UBAC1: variants seen among roughly 807,000 people sequenced by gnomAD.
UBAC1 encodes the protein UBA domain containing 1, also known as ubiquitin-associated domain-containing protein 1.
A neutral mutation model predicts 45.9 loss-of-function variants in UBAC1; 27 were observed. The ratio of observed to expected loss-of-function variants is 0.59; its 90% CI spans 0.43 to 0.81. UBAC1 has a LOEUF of 0.81. UBAC1 is among the 30% of genes least tolerant of loss of function. The pLI is 0.00. For synonymous variants in UBAC1, 227 were observed against 215.5 expected (o/e 1.05, Z -0.47); for missense variants, 529 against 539.2 (o/e 0.98, Z 0.19).
chr9:135,953,597 C>T (rs1313163412), intron 3 of UBAC1, 83 bp downstream of exon 3: 19 of 1,191,132 alleles, frequency 1.6e-5, no homozygotes, highest in Non-Finnish European at 1.9e-5. Flanking sequence ...GGATTACAGG[C>T]GCGAGCCACT....
intron 3 of UBAC1, among the ~76,000 whole-genome samples, chr9:135,952,903 G>C (rs117235396): frequency 6.6e-6 from 1 of 152,218 alleles, no homozygotes; most frequent in Non-Finnish European, 1.5e-5. Flanking sequence ...GAGGCTGTGC[G>C]GTGTGAGGTG....
chr9:135,947,759 G>T (rs1839354695), intron 4 of UBAC1, 39 bp downstream of exon 4: 1 of 1,561,400 alleles, frequency 6.4e-7, no homozygotes, highest in Non-Finnish European at 8.7e-7. Context: ...CCCACACGGG[G>T]ACCCCATGCA....
Position 135,946,363 on chromosome 9 carries a change from T to C in UBAC1, c.450A>G (p.Thr150=), listed in dbSNP as rs1406008647. The change falls in exon 5 of 10, where the codon ACA becomes ACG. Residue 150 remains threonine (T), a synonymous_variant. Coordinates refer to ENST00000371756, the MANE Select transcript of UBAC1 (RefSeq NM_016172.3). ...AVQTNMRDFQ[T]ELRKILVSLI... is the part of the protein sequence containing the mutation. ...GAGACACCAGTATCTTCCGGAGTTC[T>C]GTCTGGAACTGTGGTGAAAAAAAAG... is the stretch of plus-strand genomic sequence containing the variant. The C allele has an allele frequency of 6.2e-7, 1 of 1,609,162 alleles. No individual in the cohort carries two copies. Among genetic ancestry groups the C allele is most frequent in the South Asian group, 1.1e-5 (1 of 91,008 alleles).
At chr9:135,942,330 T>C (rs1255137789) in intron 7 of UBAC1, 3 of 152,002 alleles carry the variant, frequency 2.0e-5, no homozygotes, top group African/African-American at 4.8e-5. Context: ...CTGCTAAACC[T>C]AGAAATGCTA....
chr9:135,943,969 AGG>A (rs1839297422), intron 7 of UBAC1, among the ~76,000 whole-genome samples: 13 of 152,130 alleles, frequency 8.5e-5, no homozygotes, highest in African/African-American at 3.1e-4. Flanking sequence ...GGGGCCCATC[AGG>A]GGGTCTGGGG....
rs1564200535 is a variant in UBAC1 at position 135,959,371 on chromosome 9, G to GT, written c.138+1653_138+1654insA. On this transcript the variant is annotated intron_variant, in intron 1 of 9. Coordinates refer to ENST00000371756, the MANE Select transcript of UBAC1 (RefSeq NM_016172.3). ...GAGAAGTTTCTAGGGTTTTTTGTCT[G>GT]GTTTTTTTTTTTTTTTTTTTTTGAG... 8.7e-5 allele frequency among the ~76,000 whole-genome samples: 9 copies of GT among 103,986 alleles called. 1 individual carries two copies. The highest frequency in any genetic ancestry group is 3.2e-4 in the African/African-American group (8 of 25,082). 68.2% of individuals were successfully genotyped at this position (103,986 alleles called of 152,430 possible). A position where few individuals can be genotyped will look rare whatever the true frequency, so the allele number is the denominator to read the frequency against.
chr9:135,953,553 C>T (rs150385089), intron 3 of UBAC1, 127 bp downstream of exon 3: 441 of 649,998 alleles, frequency 6.8e-4, no homozygotes, highest in African/African-American at 6.7e-3. Flanking sequence ...CTCTTGACCT[C>T]GTGATCCACC....
At chr9:135,949,153 G>A (rs1157103318) in intron 3 of UBAC1, among the ~76,000 whole-genome samples, 3 of 151,942 alleles carry the variant, frequency 2.0e-5, no homozygotes, top group African/African-American at 7.3e-5. Context: ...GACGGCCCAC[G>A]GAGGAACACA....
intron 7 of UBAC1, 137 bp from the exon 8 acceptor site, chr9:135,939,896 G>A (rs911407065): frequency 5.9e-5 from 41 of 690,074 alleles, no homozygotes; most frequent in East Asian, 4.3e-4. Flanking sequence ...GTCCGTCCAC[G>A]TTCTTTCCTC....
chr9:135,936,405 T>C (rs1277640544), intron 9 of UBAC1, among the ~76,000 whole-genome samples: 2 of 152,002 alleles, frequency 1.3e-5, no homozygotes, highest in Non-Finnish European at 2.9e-5. Context: ...AGGTAGATTA[T>C]GGACTTAAAT....
In UBAC1 at chr9:135,961,223, C is replaced by A; in HGVS notation, c.-61G>T. The A allele has an allele frequency of 7.1e-7, 1 of 1,412,074 alleles. No individual in the cohort carries two copies. Among genetic ancestry groups the A allele is most frequent in the Non-Finnish European group, 9.2e-7 (1 of 1,090,348 alleles). The allele number at this position is 1,412,074 out of a possible 1,614,324, so 87.5% of individuals were successfully genotyped here. On this transcript the variant is annotated 5_prime_UTR_variant, in exon 1 of 10. Coordinates refer to ENST00000371756, the MANE Select transcript of UBAC1 (RefSeq NM_016172.3). Reference sequence around the variant, plus strand: ...GGGCCCCTGAAGGTCACCGGGAAGGCGGGCGGGGAGGGGGCGGGGCCAGAC... The same window carrying A: ...GGGCCCCTGAAGGTCACCGGGAAGGAGGGCGGGGAGGGGGCGGGGCCAGAC...
chr9:135,943,785 C>G (rs1426514544), intron 7 of UBAC1, among the ~76,000 whole-genome samples: 1 of 152,216 alleles, frequency 6.6e-6, no homozygotes, highest in Non-Finnish European at 1.5e-5. Context: ...GAATACTATG[C>G]AGCCATAAAA....
intron 3 of UBAC1, among the ~76,000 whole-genome samples, chr9:135,949,924 A>G (rs1839387490): frequency 6.6e-6 from 1 of 152,206 alleles, no homozygotes; most frequent in African/African-American, 2.4e-5. Context: ...GAGATTCAAC[A>G]CTTCAGAAGT....
At chr9:135,935,889 G>T (rs554503652) in intron 9 of UBAC1, among the ~76,000 whole-genome samples, 1 of 151,974 alleles carries the variant, frequency 6.6e-6, no homozygotes, top group Non-Finnish European at 1.5e-5. Context: ...AGCCGGGCAC[G>T]GTGGCGGGCA....
chr9:135,956,340 A>G (rs1839465421), intron 1 of UBAC1, among the ~76,000 whole-genome samples: 1 of 152,210 alleles, frequency 6.6e-6, no homozygotes. Flanking sequence ...TCCTCTCTGC[A>G]AAACAGCACA....
chr9:135,935,023 G>C (rs571130478), intron 9 of UBAC1, among the ~76,000 whole-genome samples: 6 of 152,236 alleles, frequency 3.9e-5, no homozygotes, highest in African/African-American at 1.4e-4. Flanking sequence ...GGGACTACAG[G>C]TACGTGTGCC....
chr9:135,942,512 GC>G (rs1839281443), intron 7 of UBAC1, among the ~76,000 whole-genome samples: 1 of 152,050 alleles, frequency 6.6e-6, no homozygotes, highest in Non-Finnish European at 1.5e-5. Flanking sequence ...TAAAAAATTA[GC>G]CCTGTGTGGT....
In UBAC1 at chr9:135,945,891, G is replaced by T. The variant is rs749360546; in HGVS notation, c.651C>A (p.Asn217Lys). 1 of 1,613,908 alleles carries T rather than the reference G, an allele frequency of 6.2e-7. No homozygotes were observed. ...ENRATKALQL[N>K]HMSVPQAMEW... ...GAAGGAGGTGGCCCCCCACGCACTG[G>T]TTCAGCTGAAGGGCCTTGGTGGCTC... The change falls in exon 6 of 10, where the codon AAC (asparagine) becomes AAA (lysine). Residue 217 changes from asparagine (N) to lysine (K), a missense_variant and splice_region_variant. Coordinates refer to ENST00000371756, the MANE Select transcript of UBAC1 (RefSeq NM_016172.3).
At position 135,955,368 on chromosome 9, in the gene UBAC1, T is replaced by A; in HGVS notation, c.186A>T (p.Lys62Asn). 6.2e-7 allele frequency: 1 copy of A among 1,606,464 alleles called. No individual in the cohort carries two copies. Among genetic ancestry groups the A allele is most frequent in the Non-Finnish European group, 8.5e-7 (1 of 1,178,090 alleles). The change falls in exon 2 of 10, where the codon AAA (lysine) becomes AAT (asparagine). Residue 62 changes from lysine (K) to asparagine (N), a missense_variant. Coordinates refer to ENST00000371756, the MANE Select transcript of UBAC1 (RefSeq NM_016172.3). ...LEDPKSITHHKLIHAASERVL... is the reference protein window; with the variant it reads ...LEDPKSITHHNLIHAASERVL... Reference sequence around the variant, plus strand: ...CCCTCTCTGAGGCAGCGTGGATTAATTTATGATGGGTTATACTTTTGGGAT... The same window carrying A: ...CCCTCTCTGAGGCAGCGTGGATTAAATTATGATGGGTTATACTTTTGGGAT...
Sources: gnomAD v4.1 joint callset for allele counts (sites outside exome capture counted in the v4.1 genomes callset) on GRCh38, gnomAD v4.1.1 for gene constraint, MANE v1.5 for transcripts, NCBI Gene and HGNC (gene_info 2026-07-23, HGNC 2026-07-21) for gene names.